YIPF3: variants seen among roughly 807,000 people sequenced by gnomAD.
The protein encoded by YIPF3 is Yip1 domain family member 3.
YIPF3 carries 18 observed loss-of-function variants against 40.3 expected under a neutral mutation model. The ratio of observed to expected loss-of-function variants is 0.45; its 90% CI spans 0.31 to 0.66. YIPF3 has a LOEUF of 0.66. Among genes scored for constraint, YIPF3 ranks in the 30% least tolerant of loss-of-function variants. YIPF3 has a pLI of 0.07. For missense variants in YIPF3, 406 were observed against 452.2 expected (o/e 0.90, Z 0.93); for synonymous variants, 190 against 179.6 (o/e 1.06, Z -0.46).
chr6:43,515,742 G>A (rs1452140118), intron 2 of YIPF3, 41 bp from the exon 3 acceptor site: 31 of 1,611,822 alleles, frequency 1.9e-5, no homozygotes, highest in Non-Finnish European at 2.6e-5. Context: ...TGGTACTGTT[G>A]GTTCTAGATC....
intron 3 of YIPF3, among the ~76,000 whole-genome samples, chr6:43,514,455 G>A (rs1402074457): frequency 6.6e-6 from 1 of 152,226 alleles, no homozygotes; most frequent in African/African-American, 2.4e-5. Context: ...AAAAATATAT[G>A]TGAAGTGGTA....
intron 2 of YIPF3, 75 bp downstream of exon 2, chr6:43,515,814 C>T: frequency 6.3e-7 from 1 of 1,594,376 alleles, no homozygotes; most frequent in Non-Finnish European, 8.6e-7. Context: ...GGGCGAACAT[C>T]ACCAACACCA....
chr6:43,512,241 G>A lies in YIPF3; in HGVS notation c.979C>T (p.Pro327Ser), dbSNP rs186527159. 1.7e-5 allele frequency: 28 copies of A among 1,614,014 alleles called. No homozygotes were observed. The East Asian group carries it at 5.3e-4, about 31-fold the overall frequency. ...ACGGTGGTGGGAAGCCGAGCAGCAG[G>A]GAGCATGGCAGGGATGTCTCTGGGG... Reference protein sequence around the residue: ...RVPRDIPAMLPAARLPTTVLN... With the variant: ...RVPRDIPAMLSAARLPTTVLN... The change falls in exon 9 of 9, where the codon CCT becomes TCT. Residue 327 changes from proline to serine, a missense_variant. Physicochemically the swap from Pro to Ser is moderately conservative, Grantham distance 74. Transcript: ENST00000372422.
intron 1 of YIPF3, 31 bp downstream of exon 1, chr6:43,516,696 C>G: frequency 6.2e-7 from 1 of 1,610,632 alleles, no homozygotes; most frequent in Non-Finnish European, 8.5e-7. Context: ...GGCCCTCCGG[C>G]TGCTGGCAGC....
Position 43,512,419 on chromosome 6 carries a change from C to T in YIPF3, c.904+21G>A, listed in dbSNP as rs1023828022. On this transcript the variant is annotated intron_variant, in intron 8 of 8. Transcript: ENST00000372422. ...CAGCTGCTTTCCCATTCTCCCCCAC[C>T]CAGACCTTCCTGCCACTTACCCTCT... 5.6e-6 allele frequency: 9 copies of T among 1,614,212 alleles called. No individual in the cohort carries two copies. The Middle Eastern group carries it at 4.9e-4, about 89-fold the overall frequency.
chr6:43,516,896 G>A lies in YIPF3; in HGVS notation c.-89C>T, dbSNP rs1018234440. On this transcript the variant is annotated 5_prime_UTR_variant, in exon 1 of 9. Transcript: ENST00000372422. The stretch of plus-strand genomic sequence containing the variant: ...GGGCCTCCGGAAGGTAGACGTCCAG[G>A]GTCGAGGAGAGGTGGGATCGGCCGG... 1 of 1,426,228 alleles carries A rather than the reference G, an allele frequency of 7.0e-7. No homozygotes were observed. The highest frequency in any genetic ancestry group is 1.2e-5 in the South Asian group (1 of 81,506). 88.3% of individuals were successfully genotyped at this position (1,426,228 alleles called of 1,614,324 possible). A position where few individuals can be genotyped will look rare whatever the true frequency, so the allele number is the denominator to read the frequency against.
chr6:43,516,925 A>G lies in YIPF3; in HGVS notation c.-118T>C. 7.7e-7 allele frequency: 1 copy of G among 1,295,630 alleles called. No homozygotes were observed. The highest frequency in any genetic ancestry group is 1.1e-6 in the Non-Finnish European group (1 of 916,574). The allele number at this position is 1,295,630 out of a possible 1,614,324, so 80.3% of individuals were successfully genotyped here. A position where few individuals can be genotyped will look rare whatever the true frequency, so the allele number is the denominator to read the frequency against. On this transcript the variant is annotated 5_prime_UTR_variant, in exon 1 of 9. Transcript: ENST00000372422. ...GAGGAGAGGTGGGATCGGCCGGAAC[A>G]CAAAAAGGAGAAGCCCGGATGTTTG...
chr6:43,514,951 T>A (rs192477820), intron 3 of YIPF3, among the ~76,000 whole-genome samples: 1 of 151,938 alleles, frequency 6.6e-6, no homozygotes, highest in East Asian at 1.9e-4. Context: ...TAAGAAAGGA[T>A]AGCAGTGGTG....
intron 2 of YIPF3, 48 bp downstream of exon 2, chr6:43,515,841 C>T (rs1561854348): frequency 1.3e-6 from 2 of 1,587,192 alleles, no homozygotes; most frequent in South Asian, 1.1e-5. Context: ...GAACACGGGA[C>T]ATACCTAGGT....
intron 6 of YIPF3, 38 bp from the exon 7 acceptor site, chr6:43,512,912 T>G (rs761001771): frequency 6.9e-6 from 11 of 1,603,724 alleles, no homozygotes; most frequent in Non-Finnish European, 9.4e-6. Context: ...ATCATTCAGG[T>G]TGGGCTGCTT....
At position 43,512,224 on chromosome 6, in the gene YIPF3, G is replaced by A. The variant is rs201099355; in HGVS notation, c.996C>T (p.Pro332=). 1 of 1,614,174 alleles carries A rather than the reference G, an allele frequency of 6.2e-7. No individual in the cohort carries two copies. The highest frequency in any genetic ancestry group is 8.5e-7 in the Non-Finnish European group (1 of 1,180,008). Residue 332 remains proline (P), a synonymous_variant, in exon 9 of 9, where the codon CCC becomes CCT. Coordinates refer to ENST00000372422, the MANE Select transcript of YIPF3 (RefSeq NM_015388.4). ...IPAMLPAARL[P]TTVLNATAKA... is the part of the protein sequence containing the mutation. The stretch of plus-strand genomic sequence containing the variant: ...TGGCTGTGGCGTTGAGGACGGTGGT[G>A]GGAAGCCGAGCAGCAGGGAGCATGG...
In YIPF3 at chr6:43,515,668, C is replaced by T. The variant is rs1314801041; in HGVS notation, c.322G>A (p.Ala108Thr). 1 of 1,614,032 alleles carries T rather than the reference C, an allele frequency of 6.2e-7. No individual in the cohort carries two copies. The highest frequency in any genetic ancestry group is 1.1e-5 in the South Asian group (1 of 91,072). The change falls in exon 3 of 9, where the codon GCC becomes ACC. Residue 108 changes from alanine (A) to threonine (T), a missense_variant. Ala to Thr is a moderately conservative substitution (Grantham distance 58). Coordinates refer to ENST00000372422, the MANE Select transcript of YIPF3 (RefSeq NM_015388.4). Reference protein sequence around the residue: ...WQAGKRQASRAFSLYANIDIL... With the variant: ...WQAGKRQASRTFSLYANIDIL... ...TCGATGTTGGCGTACAAGCTGAAGG[C>T]CCTGGAGGCTTGTCTTTTCCCAGCC... is the stretch of plus-strand genomic sequence containing the variant.
At chr6:43,513,298 T>C in intron 5 of YIPF3, 61 bp downstream of exon 5, 7 of 1,613,434 alleles carry the variant, frequency 4.3e-6, no homozygotes, top group South Asian at 1.1e-5. Context: ...TCCACCATTG[T>C]ATCCTCAGGC....
intron 1 of YIPF3, chr6:43,516,400 A>C: frequency 1.5e-6 from 1 of 647,640 alleles, no homozygotes; most frequent in Non-Finnish European, 2.6e-6. Context: ...AAACAAAACT[A>C]TACACATAGT....
chr6:43,516,911 G>A lies in YIPF3; in HGVS notation c.-104C>T. ...AGACGTCCAGGGTCGAGGAGAGGTG[G>A]GATCGGCCGGAACACAAAAAGGAGA... On this transcript the variant is annotated 5_prime_UTR_variant, in exon 1 of 9. Transcript: ENST00000372422. The A allele has an allele frequency of 7.5e-7, 1 of 1,339,714 alleles. No homozygotes were observed. The highest frequency in any genetic ancestry group is 1.3e-5 in the South Asian group (1 of 79,790). The allele number at this position is 1,339,714 out of a possible 1,614,324, so 83.0% of individuals were successfully genotyped here. A position where few individuals can be genotyped will look rare whatever the true frequency, so the allele number is the denominator to read the frequency against.
rs1463448862 is a variant in YIPF3, at chr6:43,512,084, CAT to C, written c.*81_*82del. ...GCAGCTGCAAACCCCATCTACGAAA[CAT>C]GTCATCAGGACTGTCCTTTAATAGT... On this transcript the variant is annotated 3_prime_UTR_variant, in exon 9 of 9. Coordinates refer to ENST00000372422, the MANE Select transcript of YIPF3 (RefSeq NM_015388.4). 3.2e-6 allele frequency: 5 copies of C among 1,574,750 alleles called. No homozygotes were observed. In the African/African-American group the frequency reaches 5.4e-5, roughly 17 times the overall value.
At position 43,512,535 on chromosome 6, in the gene YIPF3, C is replaced by G. The variant is rs765723810; in HGVS notation, c.809G>C (p.Gly270Ala). Reference protein sequence around the residue: ...MVAVLVSRTVGPTQRLLLCGT... With the variant: ...MVAVLVSRTVAPTQRLLLCGT... ...ACAGAGGAGCAGCCGCTGTGTGGGG[C>G]CCACGGTCCGAGACACCAACACTGC... Residue 270 changes from glycine (G) to alanine (A), a missense_variant, in exon 8 of 9, where the codon GGC becomes GCC. Physicochemically the swap from Gly to Ala is moderately conservative, Grantham distance 60. Coordinates refer to ENST00000372422, the MANE Select transcript of YIPF3 (RefSeq NM_015388.4). The G allele has an allele frequency of 3.1e-6, 5 of 1,612,320 alleles. No individual in the cohort carries two copies. In the Admixed American group the frequency reaches 6.7e-5, roughly 22 times the overall value.
Position 43,515,630 on chromosome 6 carries a change from G to C in YIPF3, c.360C>G (p.Pro120=). 6.2e-7 allele frequency: 1 copy of C among 1,613,778 alleles called. No homozygotes were observed. Among genetic ancestry groups the C allele is most frequent in the Non-Finnish European group, 8.5e-7 (1 of 1,180,038 alleles). ...CCTGAGCAGGCTCCACATCAAAGTA[G>C]GGTCTGAGGATGTCGATGTTGGCGT... is the stretch of plus-strand genomic sequence containing the variant. ...SLYANIDILR[P]YFDVEPAQVR... is the part of the protein sequence containing the mutation. The change falls in exon 3 of 9, where the codon CCC becomes CCG. Residue 120 remains proline (P), a synonymous_variant. Transcript: ENST00000372422.
At position 43,516,040 on chromosome 6, in the gene YIPF3, C is replaced by A. The variant is rs1258401996; in HGVS notation, c.137G>T (p.Ser46Ile). Residue 46 changes from serine (S) to isoleucine (I), a missense_variant, in exon 2 of 9, where the codon AGC becomes ATC. Ser to Ile is a moderately radical substitution (Grantham distance 142). Transcript: ENST00000372422. The part of the protein sequence containing the change: ...MENMDDTSGS[S>I]FEDMGELHQR... ...ATGCAGCTCACCCATATCCTCGAAG[C>A]TAGAGCCTGAGGTATCATCCATGTT... The A allele has an allele frequency of 6.2e-7, 1 of 1,614,160 alleles. No homozygotes were observed. The highest frequency in any genetic ancestry group is 8.5e-7 in the Non-Finnish European group (1 of 1,180,060).
Sources: allele counts gnomAD v4.1 joint callset (sites outside exome capture counted in the v4.1 genomes callset), GRCh38; gene constraint gnomAD v4.1.1; transcripts MANE v1.5; gene names NCBI Gene and HGNC (gene_info 2026-07-23, HGNC 2026-07-21).